KLHL29: variants seen among roughly 807,000 people sequenced by gnomAD.
KLHL29 encodes kelch-like protein 29.
A neutral mutation model predicts 80.4 loss-of-function variants in KLHL29; 21 were observed. The observed-to-expected ratio is 0.26, with a 90% CI of 0.19 to 0.38. KLHL29 has a LOEUF of 0.38. Ranked by LOEUF, KLHL29 falls within the 10% of genes least tolerant of loss-of-function variation. KLHL29 has a pLI of 1.00. For missense variants in KLHL29, 867 were observed against 1,223.9 expected (o/e 0.71, Z 4.35); for synonymous variants, 511 against 526.8 (o/e 0.97, Z 0.41).
intron 1 of KLHL29, among the ~76,000 whole-genome samples, chr2:23,417,651 AT>A (rs1376738432): frequency 3.3e-5 from 5 of 151,960 alleles, no homozygotes. Flanking sequence ...TGACCCTGGG[AT>A]TTTCATTTTT....
intron 1 of KLHL29, among the ~76,000 whole-genome samples, chr2:23,426,501 T>C (rs1358363297): frequency 6.6e-6 from 1 of 152,196 alleles, no homozygotes; most frequent in Non-Finnish European, 1.5e-5. Context: ...GGTCTCCCAG[T>C]GCGCACCTGG....
At chr2:23,548,832 CCT>C (rs1196656737) in intron 2 of KLHL29, among the ~76,000 whole-genome samples, 1 of 152,174 alleles carries the variant, frequency 6.6e-6, no homozygotes, top group Non-Finnish European at 1.5e-5. Flanking sequence ...GAAAACTGAC[CCT>C]GATTGAGTCT....
At chr2:23,453,538 G>T (rs971704960) in intron 1 of KLHL29, among the ~76,000 whole-genome samples, 1 of 152,176 alleles carries the variant, frequency 6.6e-6, no homozygotes, top group Non-Finnish European at 1.5e-5. Flanking sequence ...GAGTGCAGTG[G>T]GGGGACCTTT....
chr2:23,456,370 C>T (rs962705966), intron 1 of KLHL29, among the ~76,000 whole-genome samples: 3 of 152,256 alleles, frequency 2.0e-5, no homozygotes, highest in African/African-American at 7.2e-5. Context: ...CTCCCCATAG[C>T]AGCTGAGTGC....
In KLHL29 at chr2:23,623,793, G is replaced by A. The variant is rs962312518; in HGVS notation, c.286-15346G>A. On this transcript the variant is annotated intron_variant, in intron 3 of 13. Coordinates refer to ENST00000486442, the MANE Select transcript of KLHL29 (RefSeq NM_052920.2). ...CATATGTGAATGTGAATGTCATCCCGGGAGTAGGGTTGTACAGCGTGGACT... is the reference window on the plus strand; with the variant it reads ...CATATGTGAATGTGAATGTCATCCCAGGAGTAGGGTTGTACAGCGTGGACT... 9.8e-5 allele frequency among the ~76,000 whole-genome samples: 15 copies of A among 152,332 alleles called. No individual in the cohort carries two copies. In the East Asian group the frequency reaches 1.2e-3, roughly 12 times the overall value.
At chr2:23,576,070 C>T (rs1107536) in intron 3 of KLHL29, among the ~76,000 whole-genome samples, 96,823 of 152,168 alleles carry the variant, frequency 0.64, 33,506 homozygotes, top group East Asian at 0.78. Context: ...CTTGGGAGGC[C>T]GAGGCGGGTG....
At chr2:23,587,173 A>T (rs938749962) in intron 3 of KLHL29, among the ~76,000 whole-genome samples, 3 of 151,574 alleles carry the variant, frequency 2.0e-5, no homozygotes, top group Non-Finnish European at 4.4e-5. Context: ...AGCTCTGAAG[A>T]CGCTCTTAAC....
At chr2:23,514,318 G>A (rs1423199325) in intron 2 of KLHL29, among the ~76,000 whole-genome samples, 1 of 152,152 alleles carries the variant, frequency 6.6e-6, no homozygotes, top group East Asian at 1.9e-4. Flanking sequence ...AGAGAGACCT[G>A]GGCAGGGGAG....
At chr2:23,563,946 C>T (rs746175858) in intron 3 of KLHL29, among the ~76,000 whole-genome samples, 3 of 152,228 alleles carry the variant, frequency 2.0e-5, no homozygotes, top group East Asian at 3.9e-4. Flanking sequence ...GGCGCCAGCC[C>T]GAGCGCTGGT....
At chr2:23,640,035 C>G (rs1669722855) in intron 4 of KLHL29, among the ~76,000 whole-genome samples, 1 of 152,204 alleles carries the variant, frequency 6.6e-6, no homozygotes, top group Non-Finnish European at 1.5e-5. Context: ...CTGGTCTCAT[C>G]ACTCCTCAGC....
intron 1 of KLHL29, among the ~76,000 whole-genome samples, chr2:23,404,788 A>G (rs1415778526): frequency 6.6e-6 from 1 of 152,230 alleles, no homozygotes; most frequent in African/African-American, 2.4e-5. Context: ...TTTATGTCTT[A>G]TTCCCAGAAT....
intron 2 of KLHL29, among the ~76,000 whole-genome samples, chr2:23,489,548 T>C (rs572119568): frequency 2.6e-4 from 39 of 152,140 alleles, no homozygotes; most frequent in Non-Finnish European, 5.0e-4. Context: ...CCTGCCACGC[T>C]GAAGTCATTC....
chr2:23,603,659 A>G (rs908671797), intron 3 of KLHL29, among the ~76,000 whole-genome samples: 1 of 152,208 alleles, frequency 6.6e-6, no homozygotes, highest in South Asian at 2.1e-4. Context: ...GCTGGAGCCC[A>G]GGAAAGCCGT....
chr2:23,699,774 C>T (rs1672243263), intron 11 of KLHL29, among the ~76,000 whole-genome samples: 1 of 152,194 alleles, frequency 6.6e-6, no homozygotes, highest in African/African-American at 2.4e-5. Flanking sequence ...GAAGGGAAGG[C>T]CCCCATCCTC....
intron 3 of KLHL29, among the ~76,000 whole-genome samples, chr2:23,633,855 C>T: frequency 6.6e-6 from 1 of 151,862 alleles, no homozygotes; most frequent in East Asian, 1.9e-4. Context: ...GTTCCAGGAG[C>T]CCCGTGGCCT....
At chr2:23,506,875 C>T (rs1204942564) in intron 2 of KLHL29, among the ~76,000 whole-genome samples, 2 of 149,494 alleles carry the variant, frequency 1.3e-5, no homozygotes, top group African/African-American at 2.4e-5. Flanking sequence ...ATGCCAAAAC[C>T]CCTGACACCT....
chr2:23,563,196 A>C (rs1432769141), intron 3 of KLHL29, among the ~76,000 whole-genome samples: 1 of 152,260 alleles, frequency 6.6e-6, no homozygotes, highest in Admixed American at 6.5e-5. Flanking sequence ...AACAGAGGCC[A>C]ACCTGTGTTG....
At chr2:23,704,682 G>T (rs540077254) in intron 13 of KLHL29, among the ~76,000 whole-genome samples, 1 of 148,964 alleles carries the variant, frequency 6.7e-6, no homozygotes, top group African/African-American at 2.4e-5. Flanking sequence ...CAGGAGAATC[G>T]CTTGAACCCG....
chr2:23,573,964 G>A (rs1228239662), intron 3 of KLHL29, among the ~76,000 whole-genome samples: 1 of 152,170 alleles, frequency 6.6e-6, no homozygotes, highest in Non-Finnish European at 1.5e-5. Context: ...CCATCTGCAG[G>A]TGTTGCTGGG....
Sources: allele counts gnomAD v4.1 joint callset (sites outside exome capture counted in the v4.1 genomes callset), GRCh38; gene constraint gnomAD v4.1.1; transcripts MANE v1.5; gene names NCBI Gene and HGNC (gene_info 2026-07-23, HGNC 2026-07-21).